Variants in LOXHD1 observed in about 807,000 individuals in gnomAD.
LOXHD1 encodes lipoxygenase homology PLAT domains 1.
In LOXHD1, 205 loss-of-function variants were observed where a neutral mutation model predicts 248.2. The observed-to-expected ratio is 0.83, with a 90% CI of 0.74 to 0.93. LOXHD1 has a LOEUF of 0.93. Ranked by LOEUF, LOXHD1 falls within the 40% of genes least tolerant of loss-of-function variation. The probability of loss-of-function intolerance (pLI) is 0.00; values close to 1 mark genes in which losing one functional copy is unlikely to be tolerated. For synonymous variants in LOXHD1, 1,113 were observed against 1,162.8 expected (o/e 0.96, Z 0.87); for missense variants, 2,930 against 2,971.6 (o/e 0.99, Z 0.33).
rs566538334 is a variant in LOXHD1, at chr18:46,649,202, C to T, written c.198G>A (p.Thr66=). The T allele has an allele frequency of 1.4e-5, 22 of 1,551,750 alleles. No homozygotes were observed. The highest frequency in any genetic ancestry group is 4.9e-5 in the East Asian group (2 of 40,920). Residue 66 remains threonine, a synonymous_variant, in exon 2 of 41, where the codon ACG becomes ACA. Coordinates refer to ENST00000642948, the MANE Select transcript of LOXHD1 (RefSeq NM_001384474.1). Reference sequence around the variant, plus strand: ...GAGAGAGCCCATTCTCTCCAAAAAGCGTGATGAAGACATTGGCATCCGTCC... The same window carrying T: ...GAGAGAGCCCATTCTCTCCAAAAAGTGTGATGAAGACATTGGCATCCGTCC... The part of the protein sequence containing the change: ...GAGTDANVFI[T]LFGENGLSPK...
intron 34 of LOXHD1, among the ~76,000 whole-genome samples, chr18:46,512,974 A>G (rs1029341187): frequency 3.3e-5 from 5 of 152,248 alleles, no homozygotes; most frequent in Admixed American, 3.3e-4. Flanking sequence ...TTTAGGTACC[A>G]TTCAAATCCA....
chr18:46,640,380 G>C (rs1220629114), intron 3 of LOXHD1, among the ~76,000 whole-genome samples: 2 of 152,096 alleles, frequency 1.3e-5, no homozygotes, highest in South Asian at 4.1e-4. Flanking sequence ...ATGACTCCTG[G>C]ACCTGGACAA....
At chr18:46,551,249 C>G (rs2037091728) in intron 21 of LOXHD1, among the ~76,000 whole-genome samples, 1 of 152,024 alleles carries the variant, frequency 6.6e-6, no homozygotes, top group Non-Finnish European at 1.5e-5. Context: ...TCTACAGGCA[C>G]TCACCACCAC....
intron 12 of LOXHD1, among the ~76,000 whole-genome samples, chr18:46,590,143 C>T (rs968115118): frequency 6.6e-6 from 1 of 152,080 alleles, no homozygotes; most frequent in African/African-American, 2.4e-5. Flanking sequence ...GGTTCCCCAA[C>T]AGCAGCATAG....
intron 4 of LOXHD1, among the ~76,000 whole-genome samples, chr18:46,637,270 T>C (rs1433488939): frequency 1.3e-5 from 2 of 152,202 alleles, no homozygotes; most frequent in African/African-American, 4.8e-5. Flanking sequence ...CTCTAGCCTG[T>C]GAAGGAGCTG....
intron 40 of LOXHD1, among the ~76,000 whole-genome samples, chr18:46,479,620 CT>C (rs994520404): frequency 2.0e-5 from 3 of 152,210 alleles, no homozygotes; most frequent in African/African-American, 7.2e-5. Flanking sequence ...GCTATGGTTT[CT>C]TCCCACTCCA....
At chr18:46,616,575 T>C (rs977843283) in intron 5 of LOXHD1, among the ~76,000 whole-genome samples, 1 of 152,242 alleles carries the variant, frequency 6.6e-6, no homozygotes, top group African/African-American at 2.4e-5. Context: ...CCTTTGTTTC[T>C]TGTATCTCAT....
intron 25 of LOXHD1, among the ~76,000 whole-genome samples, chr18:46,538,991 C>G (rs1036081842): frequency 5.9e-5 from 9 of 152,126 alleles, no homozygotes; most frequent in Admixed American, 2.0e-4. Flanking sequence ...GAGGGCTGCA[C>G]CAGGGTTTAT....
intron 31 of LOXHD1, among the ~76,000 whole-genome samples, chr18:46,522,560 G>T (rs1194699729): frequency 6.6e-6 from 1 of 152,190 alleles, no homozygotes; most frequent in Non-Finnish European, 1.5e-5. Context: ...GGAGTGTCAA[G>T]CTTCTAAAAG....
chr18:46,573,676 C>T (rs1017857076), intron 14 of LOXHD1, among the ~76,000 whole-genome samples: 1 of 152,108 alleles, frequency 6.6e-6, no homozygotes, highest in Non-Finnish European at 1.5e-5. Context: ...TAATAGACCA[C>T]CCCTCTCCCC....
chr18:46,559,158 C>T (rs1470256448), intron 20 of LOXHD1: 3 of 1,400,518 alleles, frequency 2.1e-6, no homozygotes, highest in South Asian at 1.2e-5. Context: ...TCTTGAACCC[C>T]CGCATCCCTA....
At position 46,505,694 on chromosome 18, in the gene LOXHD1, C is replaced by T. The variant is rs1055887688; in HGVS notation, c.5878+144G>A. ...ACTGGCTCTTTCATACTGATGGAAGCATCAATGTGGTGGTCATCAACTGTG... is the reference window on the plus strand; with the variant it reads ...ACTGGCTCTTTCATACTGATGGAAGTATCAATGTGGTGGTCATCAACTGTG... On this transcript the variant is annotated intron_variant, in intron 37 of 40. Coordinates refer to ENST00000642948, the MANE Select transcript of LOXHD1 (RefSeq NM_001384474.1). 11 of 790,692 alleles carry T rather than the reference C, an allele frequency of 1.4e-5. No homozygotes were observed. In the African/African-American group the frequency reaches 1.9e-4, roughly 14 times the overall value. 49.0% of individuals were successfully genotyped at this position (790,692 alleles called of 1,614,324 possible). A position where few individuals can be genotyped will look rare whatever the true frequency, so the allele number is the denominator to read the frequency against.
chr18:46,602,539 G>A (rs1033698037), intron 7 of LOXHD1, among the ~76,000 whole-genome samples: 8 of 151,910 alleles, frequency 5.3e-5, no homozygotes, highest in Admixed American at 3.3e-4. Context: ...GGTCTAAGGC[G>A]GTTGTCACTT....
At chr18:46,534,955 C>G (rs2036243986) in intron 26 of LOXHD1, among the ~76,000 whole-genome samples, 1 of 152,206 alleles carries the variant, frequency 6.6e-6, no homozygotes, top group Non-Finnish European at 1.5e-5. Flanking sequence ...GGCCTTTGCA[C>G]ATGCTTTGCT....
rs921756886 is a variant in LOXHD1 at position 46,601,738 on chromosome 18, T to C, written c.884-271A>G. On this transcript the variant is annotated intron_variant, in intron 7 of 40. Coordinates refer to ENST00000642948, the MANE Select transcript of LOXHD1 (RefSeq NM_001384474.1). ...GCTGTCAGTGCTGATTAGAGGAAACTAACAAAGAGAAGGAGGAACTCGGGT... is the reference window on the plus strand; with the variant it reads ...GCTGTCAGTGCTGATTAGAGGAAACCAACAAAGAGAAGGAGGAACTCGGGT... The C allele has an allele frequency of 1.1e-5, 5 of 445,180 alleles. No homozygotes were observed. In the Admixed American group the frequency reaches 1.7e-4, roughly 15 times the overall value. 27.6% of individuals were successfully genotyped at this position (445,180 alleles called of 1,614,324 possible).
chr18:46,531,441 G>A, intron 28 of LOXHD1, among the ~76,000 whole-genome samples: 1 of 151,870 alleles, frequency 6.6e-6, no homozygotes, highest in Admixed American at 6.6e-5. Context: ...TTTTCTAGCT[G>A]TGCATTTGGG....
intron 33 of LOXHD1, 93 bp from the exon 34 acceptor site, chr18:46,518,349 T>C: frequency 1.4e-6 from 2 of 1,432,536 alleles, no homozygotes; most frequent in Non-Finnish European, 1.9e-6. Flanking sequence ...AGACACACTG[T>C]CCAAGTTCCA....
intron 4 of LOXHD1, among the ~76,000 whole-genome samples, chr18:46,638,460 C>T (rs1394880744): frequency 1.3e-5 from 2 of 152,032 alleles, no homozygotes; most frequent in African/African-American, 4.8e-5. Flanking sequence ...GGTGAAACCT[C>T]GTCTCTACGG....
At chr18:46,520,407 G>A (rs1223893592) in intron 33 of LOXHD1, 2 of 420,336 alleles carry the variant, frequency 4.8e-6, no homozygotes, top group African/African-American at 4.2e-5. Context: ...GCCAAAAAGA[G>A]AAACCCACAG....
Sources: allele counts gnomAD v4.1 joint callset (sites outside exome capture counted in the v4.1 genomes callset), GRCh38; gene constraint gnomAD v4.1.1; transcripts MANE v1.5; gene names NCBI Gene and HGNC (gene_info 2026-07-23, HGNC 2026-07-21).